Variants in BAZ2B observed in about 807,000 individuals in gnomAD.
BAZ2B encodes bromodomain adjacent to zinc finger domain protein 2B.
A neutral mutation model predicts 246.0 loss-of-function variants in BAZ2B; 91 were observed. The ratio of observed to expected loss-of-function variants is 0.37; its 90% CI spans 0.31 to 0.44. The LOEUF (loss-of-function observed/expected upper bound fraction) is 0.44. Ranked by LOEUF, BAZ2B falls within the 20% of genes least tolerant of loss-of-function variation. The probability of loss-of-function intolerance (pLI) is 1.00; values close to 1 mark genes in which losing one functional copy is unlikely to be tolerated. For synonymous variants in BAZ2B, 855 were observed against 860.0 expected, an observed-to-expected ratio of 0.99 and a Z score of 0.10; for missense variants, 2,332 against 2,533.7, an observed-to-expected ratio of 0.92 and a Z score of 1.71.
chr2:159,588,208 C>G (rs1447670980), intron 1 of BAZ2B, among the ~76,000 whole-genome samples: 1 of 111,576 alleles, frequency 9.0e-6, no homozygotes, highest in Non-Finnish European at 1.8e-5. Flanking sequence ...GACCAAGACC[C>G]TGCATCAAAA....
At chr2:159,556,888 C>G (rs549790009) in intron 1 of BAZ2B, among the ~76,000 whole-genome samples, 1 of 152,200 alleles carries the variant, frequency 6.6e-6, no homozygotes, top group South Asian at 2.1e-4. Context: ...TTATCAGGTC[C>G]TCATAACGAA....
At chr2:159,441,656 A>ATT (rs3836180) in intron 6 of BAZ2B, among the ~76,000 whole-genome samples, 1 of 151,798 alleles carries the variant, frequency 6.6e-6, no homozygotes, top group Non-Finnish European at 1.5e-5. Flanking sequence ...AATTTAAAAC[A>ATT]TTTTTTTAAA....
the BAZ2B span, among the ~76,000 whole-genome samples, chr2:159,699,337 G>A: frequency 6.6e-6 from 1 of 152,144 alleles, no homozygotes; most frequent in Non-Finnish European, 1.5e-5. Context: ...TAGGCCAGGA[G>A]TTTGAGACAA....
chr2:159,505,602 AAAAC>A (rs1295122850), intron 2 of BAZ2B, among the ~76,000 whole-genome samples: 2 of 152,210 alleles, frequency 1.3e-5, no homozygotes, highest in South Asian at 2.1e-4. Flanking sequence ...AAGACTCACT[AAAAC>A]AAACAAAAAT....
chr2:159,589,462 A>G (rs1285143631), intron 1 of BAZ2B, among the ~76,000 whole-genome samples: 2 of 152,218 alleles, frequency 1.3e-5, no homozygotes, highest in Non-Finnish European at 2.9e-5. Context: ...GCTAGTTATC[A>G]GCCACACTGT....
chr2:159,615,023 G>A (rs1559910853), intron 1 of BAZ2B, among the ~76,000 whole-genome samples: 2 of 151,724 alleles, frequency 1.3e-5, no homozygotes, highest in African/African-American at 2.4e-5. Flanking sequence ...TTGTTTAGAG[G>A]GCAGGAAAAA....
chr2:159,363,075 G>A (rs1374212866), intron 27 of BAZ2B, among the ~76,000 whole-genome samples: 2 of 152,150 alleles, frequency 1.3e-5, no homozygotes, highest in Non-Finnish European at 2.9e-5. Context: ...GGCTTGGCCT[G>A]CTAATTTGCA....
At chr2:159,574,034 A>G (rs1684647613) in intron 1 of BAZ2B, among the ~76,000 whole-genome samples, 1 of 151,970 alleles carries the variant, frequency 6.6e-6, no homozygotes, top group Non-Finnish European at 1.5e-5. Context: ...TGGGAGGTTG[A>G]GCCTACAGTG....
In BAZ2B at chr2:159,383,763, G is replaced by T. The variant is rs751652584; in HGVS notation, c.3687-83C>A. 6.9e-5 allele frequency: 79 copies of T among 1,151,600 alleles called. No homozygotes were observed. The South Asian group carries it at 9.0e-4, about 13-fold the overall frequency. 71.3% of individuals were successfully genotyped at this position (1,151,600 alleles called of 1,614,324 possible). ...ATTTGATATGCAATAAACTTGATACGTAAATTAATGCATTTTTGAATAAGT... is the reference window on the plus strand; with the variant it reads ...ATTTGATATGCAATAAACTTGATACTTAAATTAATGCATTTTTGAATAAGT... On this transcript the variant is annotated intron_variant, in intron 23 of 36. Transcript: ENST00000392783.
chr2:159,375,153 A>C (rs1445400502), intron 25 of BAZ2B, among the ~76,000 whole-genome samples: 1 of 152,166 alleles, frequency 6.6e-6, no homozygotes, highest in African/African-American at 2.4e-5. Flanking sequence ...GGCTGCAGTG[A>C]GCTATGATCA....
At chr2:159,625,230 A>T in the BAZ2B span, among the ~76,000 whole-genome samples, 1 of 152,154 alleles carries the variant, frequency 6.6e-6, no homozygotes, top group Non-Finnish European at 1.5e-5. Context: ...TAACAGAGAG[A>T]ATAGAACCAA....
At chr2:159,496,426 C>A (rs115389575) in intron 2 of BAZ2B, among the ~76,000 whole-genome samples, 1 of 129,894 alleles carries the variant, frequency 7.7e-6, no homozygotes, top group South Asian at 2.5e-4. Context: ...ATGGCTTGAA[C>A]GTGGGAGGGC....
At chr2:159,623,658 C>T in the BAZ2B span, among the ~76,000 whole-genome samples, 1 of 152,016 alleles carries the variant, frequency 6.6e-6, no homozygotes, top group African/African-American at 2.4e-5. Context: ...TGGAAAAACC[C>T]CAACAAGGGA....
intron 2 of BAZ2B, among the ~76,000 whole-genome samples, chr2:159,523,572 C>T (rs753525050): frequency 2.6e-5 from 4 of 151,926 alleles, no homozygotes; most frequent in South Asian, 2.1e-4. Flanking sequence ...GGCATGGTGG[C>T]GCATGCCTGT....
chr2:159,469,466 C>T (rs140072140), intron 3 of BAZ2B, among the ~76,000 whole-genome samples: 3,638 of 152,102 alleles, frequency 0.024, 48 homozygotes, highest in Admixed American at 0.04. Context: ...GACCGAGTCT[C>T]GCTCTGTCAC....
At position 159,320,217 on chromosome 2, in the gene BAZ2B, T is replaced by C. The variant is rs540750870; in HGVS notation, c.*48A>G. ...GTAAATACAGTTCACATTGCTGGTC[T>C]CATTTGTCCTTGTTTAGAAGGAAAA... On this transcript the variant is annotated 3_prime_UTR_variant, in exon 37 of 37. Coordinates refer to ENST00000392783, the MANE Select transcript of BAZ2B (RefSeq NM_013450.4). The C allele has an allele frequency of 3.1e-5, 44 of 1,435,334 alleles. No individual in the cohort carries two copies. The South Asian group carries it at 6.0e-4, about 19-fold the overall frequency. 88.9% of individuals were successfully genotyped at this position (1,435,334 alleles called of 1,614,324 possible).
chr2:159,411,004 T>G (rs977211163), intron 14 of BAZ2B, among the ~76,000 whole-genome samples: 4 of 152,206 alleles, frequency 2.6e-5, no homozygotes, highest in African/African-American at 9.6e-5. Flanking sequence ...ATTATTCCAC[T>G]GATAACAATG....
intron 13 of BAZ2B, among the ~76,000 whole-genome samples, chr2:159,417,875 T>A (rs2068039820): frequency 6.6e-6 from 1 of 151,822 alleles, no homozygotes; most frequent in Non-Finnish European, 1.5e-5. Flanking sequence ...AGAAAAAGAG[T>A]TTAGAGCTTG....
At chr2:159,645,266 G>A in the BAZ2B span, among the ~76,000 whole-genome samples, 1 of 136,602 alleles carries the variant, frequency 7.3e-6, no homozygotes, top group African/African-American at 2.6e-5. Flanking sequence ...AAAGAGCCCT[G>A]TCTCTAAAAA....
Sources: gnomAD v4.1 joint callset for allele counts (sites outside exome capture counted in the v4.1 genomes callset) on GRCh38, gnomAD v4.1.1 for gene constraint, MANE v1.5 for transcripts, NCBI Gene and HGNC (gene_info 2026-07-23, HGNC 2026-07-21) for gene names.